The following MSR1 variants were observed in gnomAD, a reference collection of about 807,000 sequenced individuals.
MSR1 encodes macrophage scavenger receptor 1, also known as macrophage scavenger receptor types I and II.
In MSR1, 53 loss-of-function variants were observed where a neutral mutation model predicts 47.2. The ratio of observed to expected loss-of-function variants is 1.12; its 90% CI spans 0.90 to 1.41. MSR1 has a LOEUF of 1.41. Ranked by LOEUF, MSR1 falls within the 40% of genes most tolerant of loss-of-function variation. The pLI, the probability that MSR1 is intolerant of heterozygous loss-of-function variation, is 0.00. For missense variants in MSR1, 786 were observed against 546.9 expected, an observed-to-expected ratio of 1.44 and a Z score of -4.36; for synonymous variants, 239 against 185.6, an observed-to-expected ratio of 1.29 and a Z score of -2.34.
At chr8:16,157,510 T>A (rs73665229) in intron 5 of MSR1, among the ~76,000 whole-genome samples, 6,079 of 152,006 alleles carry the variant, frequency 0.04, 437 homozygotes, top group African/African-American at 0.14. Flanking sequence ...TACCTTTTTA[T>A]TGTCATTCTA....
chr8:16,132,430 GCAAA>G (rs1297858266), intron 8 of MSR1, among the ~76,000 whole-genome samples: 1 of 152,034 alleles, frequency 6.6e-6, no homozygotes, highest in Non-Finnish European at 1.5e-5. Context: ...CATGTTGTCT[GCAAA>G]CAGATAGTTT....
intron 9 of MSR1, among the ~76,000 whole-genome samples, chr8:16,115,263 G>C (rs966681992): frequency 1.3e-5 from 2 of 152,120 alleles, no homozygotes; most frequent in Admixed American, 1.3e-4. Flanking sequence ...ACTTTCCTAA[G>C]AGAAGGATAA....
At chr8:16,164,381 A>C (rs1209085641) in intron 4 of MSR1, 130 bp from the exon 5 acceptor site, 2 of 717,514 alleles carry the variant, frequency 2.8e-6, no homozygotes, top group Non-Finnish European at 4.6e-6. Flanking sequence ...AAGAATATAG[A>C]AATTAGAAAA....
intron 5 of MSR1, among the ~76,000 whole-genome samples, chr8:16,163,564 T>C (rs1185851454): frequency 6.6e-6 from 1 of 151,254 alleles, no homozygotes; most frequent in African/African-American, 2.4e-5. Flanking sequence ...CATATATACA[T>C]ATATTTTATT....
chr8:16,157,974 G>A (rs1463323000), intron 5 of MSR1, among the ~76,000 whole-genome samples: 1 of 151,838 alleles, frequency 6.6e-6, no homozygotes, highest in African/African-American at 2.4e-5. Context: ...AAGACTTAGA[G>A]TCTCTTGTAG....
intron 9 of MSR1, among the ~76,000 whole-genome samples, chr8:16,117,031 G>A (rs1211235203): frequency 1.3e-5 from 2 of 152,130 alleles, no homozygotes; most frequent in East Asian, 3.9e-4. Context: ...CTGTACTACT[G>A]GGCTAGTTTC....
intron 4 of MSR1, among the ~76,000 whole-genome samples, chr8:16,166,132 T>C (rs1402836129): frequency 6.6e-6 from 1 of 150,872 alleles, no homozygotes; most frequent in Non-Finnish European, 1.5e-5. Context: ...AGGTTTTTCA[T>C]CATACCTAAA....
Position 16,143,615 on chromosome 8 carries a change from G to A in MSR1, c.980-4C>T, listed in dbSNP as rs375311065. 6.2e-7 allele frequency: 1 copy of A among 1,610,508 alleles called. No individual in the cohort carries two copies. The highest frequency in any genetic ancestry group is 8.5e-7 in the Non-Finnish European group (1 of 1,177,862). Reference sequence around the variant, plus strand: ...TGGCCTTTTGGTCCAGAATTTCCTTGAGAAAAGAAGAAAAATATTTGTTTT... The same window carrying A: ...TGGCCTTTTGGTCCAGAATTTCCTTAAGAAAAGAAGAAAAATATTTGTTTT... On this transcript the variant is annotated splice_polypyrimidine_tract_variant and splice_region_variant and intron_variant, in intron 7 of 9. Transcript: ENST00000262101.
intron 1 of MSR1, among the ~76,000 whole-genome samples, chr8:16,180,392 G>C (rs1801793866): frequency 1.3e-5 from 2 of 152,230 alleles, no homozygotes; most frequent in Middle Eastern, 3.4e-3. Flanking sequence ...TCTGATATTT[G>C]GGGTGGGGGC....
At position 16,108,856 on chromosome 8, in the gene MSR1, C is replaced by T. The variant is rs1056262215; in HGVS notation, c.*1229G>A. On this transcript the variant is annotated 3_prime_UTR_variant, in exon 10 of 10. Coordinates refer to ENST00000262101, the MANE Select transcript of MSR1 (RefSeq NM_138715.3). The stretch of plus-strand genomic sequence containing the variant: ...TGCTTAAGCTTATGCTTTCATTTGC[C>T]ACTATTAAAGAAAGAACAGTAGAGT... 6.6e-6 allele frequency: 1 copy of T among 151,990 alleles called. No homozygotes were observed. Among genetic ancestry groups the T allele is most frequent in the Non-Finnish European group, 1.5e-5 (1 of 67,976 alleles). The allele number at this position is 151,990 out of a possible 1,614,324, so 9.4% of individuals were successfully genotyped here.
chr8:16,131,881 T>C (rs1019785267), intron 8 of MSR1, among the ~76,000 whole-genome samples: 1 of 152,132 alleles, frequency 6.6e-6, no homozygotes, highest in Non-Finnish European at 1.5e-5. Flanking sequence ...TTTTGTTCTG[T>C]ACCCCTGTAG....
chr8:16,120,516 C>T lies in MSR1; in HGVS notation c.1124G>A (p.Cys375Tyr). Residue 375 changes from cysteine (C) to tyrosine (Y), a missense_variant, in exon 9 of 10, where the codon TGT becomes TAT. By Grantham distance (194) the Cys-to-Tyr change is radical. Coordinates refer to ENST00000262101, the MANE Select transcript of MSR1 (RefSeq NM_138715.3). ...ILHSGQWGTI[C>Y]DDRWEVRVGQ... is the part of the protein sequence containing the mutation. Reference sequence around the variant, plus strand: ...AACGCGCACTTCCCAGCGATCGTCACAAATTGTACCCCACTGGCCGCTGTG... The same window carrying T: ...AACGCGCACTTCCCAGCGATCGTCATAAATTGTACCCCACTGGCCGCTGTG... 6.2e-7 allele frequency: 1 copy of T among 1,613,146 alleles called. No homozygotes were observed. Among genetic ancestry groups the T allele is most frequent in the Non-Finnish European group, 8.5e-7 (1 of 1,179,754 alleles).
At position 16,108,105 on chromosome 8, in the gene MSR1, A is replaced by G. The variant is rs1799675689; in HGVS notation, c.*1980T>C. 1 of 151,300 alleles carries G rather than the reference A, an allele frequency of 6.6e-6. No individual in the cohort carries two copies. Among genetic ancestry groups the G allele is most frequent in the African/African-American group, 2.4e-5 (1 of 41,278 alleles). 9.4% of individuals were successfully genotyped at this position (151,300 alleles called of 1,614,324 possible). On this transcript the variant is annotated 3_prime_UTR_variant, in exon 10 of 10. Coordinates refer to ENST00000262101, the MANE Select transcript of MSR1 (RefSeq NM_138715.3). ...TACAGCAATATAGTATTAACAACCC[A>G]TAGGCACTGATCTCAGACATCCCAA... is the stretch of plus-strand genomic sequence containing the variant.
rs752198715 is a variant in MSR1, at chr8:16,155,148, T to TA, written c.818-5dup. On this transcript the variant is annotated splice_region_variant and splice_polypyrimidine_tract_variant and intron_variant, in intron 5 of 9. Transcript: ENST00000262101. ...TCACCCGGGGGTCCAGGAGGACCTTTAAAAAAATTACAGTTACTGATCATA... is the reference window on the plus strand; with the variant it reads ...TCACCCGGGGGTCCAGGAGGACCTTTAAAAAAAATTACAGTTACTGATCATA... 57 of 1,608,134 alleles carry TA rather than the reference T, an allele frequency of 3.5e-5. No individual in the cohort carries two copies. Among genetic ancestry groups the TA allele is most frequent in the Non-Finnish European group, 4.6e-5 (54 of 1,175,634 alleles).
At chr8:16,175,449 C>G in intron 2 of MSR1, 149 bp from the exon 3 acceptor site, 1 of 724,546 alleles carries the variant, frequency 1.4e-6, no homozygotes, top group Non-Finnish European at 2.3e-6. Context: ...CAGTAGAAAG[C>G]AAAAGGACAG....
At chr8:16,168,244 A>G (rs1250804246) in intron 4 of MSR1, among the ~76,000 whole-genome samples, 1 of 152,230 alleles carries the variant, frequency 6.6e-6, no homozygotes, top group Non-Finnish European at 1.5e-5. Context: ...ATTCAATGGG[A>G]AAAATTTCCC....
At chr8:16,176,525 A>T (rs568742143) in intron 2 of MSR1, among the ~76,000 whole-genome samples, 59 of 150,526 alleles carry the variant, frequency 3.9e-4, no homozygotes, top group Non-Finnish European at 7.2e-4. Flanking sequence ...AAAAAAAAAA[A>T]GGAAAAGAGA....
chr8:16,166,941 A>G (rs886596260), intron 4 of MSR1, among the ~76,000 whole-genome samples: 9 of 138,132 alleles, frequency 6.5e-5, no homozygotes, highest in African/African-American at 2.6e-4. Flanking sequence ...AGGAGTACAC[A>G]CACACACACA....
At chr8:16,179,082 T>C (rs1329436526) in intron 1 of MSR1, among the ~76,000 whole-genome samples, 3 of 152,190 alleles carry the variant, frequency 2.0e-5, no homozygotes, top group Non-Finnish European at 4.4e-5. Context: ...TGTATGTCTA[T>C]TTTTAGAGGT....
Sources: gnomAD v4.1 joint callset for allele counts (sites outside exome capture counted in the v4.1 genomes callset) on GRCh38, gnomAD v4.1.1 for gene constraint, MANE v1.5 for transcripts, NCBI Gene and HGNC (gene_info 2026-07-23, HGNC 2026-07-21) for gene names.